Variants in GALNT18 observed in about 807,000 individuals in gnomAD.
The protein encoded by GALNT18 is polypeptide N-acetylgalactosaminyltransferase 18, also known as GalNAc-transferase 18.
GALNT18 carries 44 observed loss-of-function variants against 69.5 expected under a neutral mutation model. The observed-to-expected ratio is 0.63, with a 90% CI of 0.50 to 0.81. The LOEUF is 0.81. GALNT18 is among the 40% of genes least tolerant of loss of function. The pLI, the probability that GALNT18 is intolerant of heterozygous loss-of-function variation, is 0.00. For synonymous variants in GALNT18, 364 were observed against 318.2 expected (o/e 1.14, Z -1.53); for missense variants, 715 against 810.0 (o/e 0.88, Z 1.42).
At chr11:11,576,782 T>C (rs1308904029) in intron 1 of GALNT18, among the ~76,000 whole-genome samples, 2 of 152,218 alleles carry the variant, frequency 1.3e-5, no homozygotes, top group East Asian at 3.8e-4. Flanking sequence ...GAATGTGCTT[T>C]TATAAACTGA....
rs1454721758 is a variant in GALNT18 at position 11,523,724 on chromosome 11, A to C, written c.236-74788T>G. On this transcript the variant is annotated intron_variant, in intron 1 of 10. Transcript: ENST00000227756. This position sits in a 1 kb window ranked among gnomAD's most constrained non-coding sequence, Gnocchi z 4.3. The stretch of plus-strand genomic sequence containing the variant: ...ACAGAGCGAGACTCCATCTCAAAAA[A>C]AAAAAAAAATATCGTACACCCTGCC... Among the ~76,000 whole-genome samples, 1 of 152,016 alleles carries C rather than the reference A, an allele frequency of 6.6e-6. No homozygotes were observed. The highest frequency in any genetic ancestry group is 6.6e-5 in the Admixed American group (1 of 15,264).
At chr11:11,464,566 T>C (rs2133844310) in intron 1 of GALNT18, among the ~76,000 whole-genome samples, 1 of 152,336 alleles carries the variant, frequency 6.6e-6, no homozygotes, top group Non-Finnish European at 1.5e-5. Flanking sequence ...GAAAGACACA[T>C]TGGCTTGCCC....
intron 1 of GALNT18, 24 bp from the exon 2 acceptor site, chr11:11,448,960 C>G: frequency 6.5e-7 from 1 of 1,544,686 alleles, no homozygotes; most frequent in Non-Finnish European, 8.7e-7. Flanking sequence ...GAACAGGAGA[C>G]AGTGGGTCAG....
intron 1 of GALNT18, among the ~76,000 whole-genome samples, chr11:11,503,948 T>G (rs982654667): frequency 6.6e-6 from 1 of 152,222 alleles, no homozygotes; most frequent in Non-Finnish European, 1.5e-5. Context: ...ACCATGATAC[T>G]GAATTCTAAC....
At chr11:11,342,168 C>G (rs1334464009) in intron 6 of GALNT18, among the ~76,000 whole-genome samples, 1 of 152,114 alleles carries the variant, frequency 6.6e-6, no homozygotes, top group African/African-American at 2.4e-5. Context: ...ACTCACCTAA[C>G]AAAAGGCCAA....
At chr11:11,489,547 G>A (rs748831617) in intron 1 of GALNT18, among the ~76,000 whole-genome samples, 3 of 152,170 alleles carry the variant, frequency 2.0e-5, no homozygotes, top group Non-Finnish European at 4.4e-5. Context: ...AGAGAAGATA[G>A]AATCAGTTCC....
chr11:11,609,106 A>G (rs1859824263), intron 1 of GALNT18, among the ~76,000 whole-genome samples: 1 of 152,228 alleles, frequency 6.6e-6, no homozygotes, highest in South Asian at 2.1e-4. Flanking sequence ...CATACCTGGC[A>G]CAATGCCAAG....
At chr11:11,274,350 A>C (rs1308706922) in intron 10 of GALNT18, among the ~76,000 whole-genome samples, 1 of 151,826 alleles carries the variant, frequency 6.6e-6, no homozygotes, top group African/African-American at 2.4e-5. Context: ...AGAACCGTTC[A>C]CTCTCCTGGA....
intron 10 of GALNT18, 85 bp downstream of exon 10, chr11:11,292,944 T>G (rs187101191): frequency 8.0e-7 from 1 of 1,242,596 alleles, no homozygotes; most frequent in African/African-American, 1.5e-5. Flanking sequence ...CCTTCCCCTC[T>G]CCTCCACCAC....
At chr11:11,277,836 T>G (rs960640009) in intron 10 of GALNT18, among the ~76,000 whole-genome samples, 1 of 152,214 alleles carries the variant, frequency 6.6e-6, no homozygotes, top group African/African-American at 2.4e-5. Context: ...AATCCTGAGT[T>G]CTAATTTGAT....
chr11:11,621,269 G>C lies in GALNT18; in HGVS notation c.235+90C>G, dbSNP rs953540728. 7.5e-6 allele frequency: 8 copies of C among 1,065,350 alleles called. No homozygotes were observed. Among genetic ancestry groups the C allele is most frequent in the Non-Finnish European group, 9.8e-6 (7 of 716,272 alleles). 66.0% of individuals were successfully genotyped at this position (1,065,350 alleles called of 1,614,324 possible). On this transcript the variant is annotated intron_variant, in intron 1 of 10. Coordinates refer to ENST00000227756, the MANE Select transcript of GALNT18 (RefSeq NM_198516.3). The surrounding 1 kb of genome is among the most constrained non-coding windows in gnomAD (Gnocchi z 9.3). ...GCGGCCCCAGAGCCCCGCCGTGGCTGAGTTGATGCGCACCAGCCCCAGCGC... is the reference window on the plus strand; with the variant it reads ...GCGGCCCCAGAGCCCCGCCGTGGCTCAGTTGATGCGCACCAGCCCCAGCGC...
Position 11,538,183 on chromosome 11 carries a change from C to T in GALNT18, c.235+83176G>A, listed in dbSNP as rs947476877. ...AGCTAAGGATTACACAAAAAGCAAG[C>T]AGCAGAGACAGAATTCAAACCCAAT... On this transcript the variant is annotated intron_variant, in intron 1 of 10. Coordinates refer to ENST00000227756, the MANE Select transcript of GALNT18 (RefSeq NM_198516.3). This position sits in a 1 kb window ranked among gnomAD's most constrained non-coding sequence, Gnocchi z 5.2. Among the ~76,000 whole-genome samples, 1 of 152,108 alleles carries T rather than the reference C, an allele frequency of 6.6e-6. No individual in the cohort carries two copies. The highest frequency in any genetic ancestry group is 2.4e-5 in the African/African-American group (1 of 41,428).
At chr11:11,559,967 C>T (rs115809548) in intron 1 of GALNT18, among the ~76,000 whole-genome samples, 4 of 24,252 alleles carry the variant, frequency 1.6e-4, no homozygotes, top group South Asian at 1.4e-3. Flanking sequence ...TGATGGGATG[C>T]GATGGAACAG....
chr11:11,443,971 A>G lies in GALNT18; in HGVS notation c.428+4773T>C, dbSNP rs1855588651. On this transcript the variant is annotated intron_variant, in intron 2 of 10. Coordinates refer to ENST00000227756, the MANE Select transcript of GALNT18 (RefSeq NM_198516.3). Reference sequence around the variant, plus strand: ...AAAAACTGGCACACTTCCTATGCCTATTACATATTCATAGGTGTGGGGGAT... The same window carrying G: ...AAAAACTGGCACACTTCCTATGCCTGTTACATATTCATAGGTGTGGGGGAT... 2.0e-5 allele frequency among the ~76,000 whole-genome samples: 3 copies of G among 152,198 alleles called. No homozygotes were observed. In the South Asian group the frequency reaches 6.2e-4, roughly 31 times the overall value.
At position 11,523,491 on chromosome 11, in the gene GALNT18, G is replaced by A. The variant is rs1239923567; in HGVS notation, c.236-74555C>T. Among the ~76,000 whole-genome samples, 5 of 151,988 alleles carry A rather than the reference G, an allele frequency of 3.3e-5. No homozygotes were observed. Among genetic ancestry groups the A allele is most frequent in the East Asian group, 1.9e-4 (1 of 5,186 alleles). ...CCGTGCCACTTTGGGAGGCTGAGGC[G>A]GGTGGATCATGAGGTCAGGAGATCG... is the stretch of plus-strand genomic sequence containing the variant. On this transcript the variant is annotated intron_variant, in intron 1 of 10. Coordinates refer to ENST00000227756, the MANE Select transcript of GALNT18 (RefSeq NM_198516.3). This position sits in a 1 kb window ranked among gnomAD's most constrained non-coding sequence, Gnocchi z 4.3.
chr11:11,540,264 G>A lies in GALNT18; in HGVS notation c.235+81095C>T, dbSNP rs926628723. Reference sequence around the variant, plus strand: ...TCTCAAGGGCTTAGAAGGCGTCCTTGTAACTTTGTTGAAGGGCCCTGGAAG... The same window carrying A: ...TCTCAAGGGCTTAGAAGGCGTCCTTATAACTTTGTTGAAGGGCCCTGGAAG... On this transcript the variant is annotated intron_variant, in intron 1 of 10. Transcript: ENST00000227756. The surrounding 1 kb of genome is among the most constrained non-coding windows in gnomAD (Gnocchi z 4.6). 6.6e-6 allele frequency among the ~76,000 whole-genome samples: 1 copy of A among 152,198 alleles called. No individual in the cohort carries two copies. Among genetic ancestry groups the A allele is most frequent in the Non-Finnish European group, 1.5e-5 (1 of 68,032 alleles).
At chr11:11,333,307 T>G (rs887619966) in intron 7 of GALNT18, among the ~76,000 whole-genome samples, 7 of 152,290 alleles carry the variant, frequency 4.6e-5, no homozygotes, top group Middle Eastern at 6.8e-3. Flanking sequence ...TTTAAACATT[T>G]CCAAAGTGCT....
chr11:11,570,992 T>C (rs1294401261), intron 1 of GALNT18, among the ~76,000 whole-genome samples: 1 of 152,220 alleles, frequency 6.6e-6, no homozygotes, highest in African/African-American at 2.4e-5. Context: ...CCCCAAGTTT[T>C]CCTGGGTTGA....
chr11:11,586,654 A>G lies in GALNT18; in HGVS notation c.235+34705T>C, dbSNP rs1052852288. Reference sequence around the variant, plus strand: ...CAGCATTTATATTTAGCTGGTATGCACTGGTTCCACCATATCAGTTCTTAA... The same window carrying G: ...CAGCATTTATATTTAGCTGGTATGCGCTGGTTCCACCATATCAGTTCTTAA... On this transcript the variant is annotated intron_variant, in intron 1 of 10. Coordinates refer to ENST00000227756, the MANE Select transcript of GALNT18 (RefSeq NM_198516.3). The surrounding 1 kb of genome is among the most constrained non-coding windows in gnomAD (Gnocchi z 4.1). Among the ~76,000 whole-genome samples, 3 of 152,200 alleles carry G rather than the reference A, an allele frequency of 2.0e-5. No individual in the cohort carries two copies. The highest frequency in any genetic ancestry group is 4.4e-5 in the Non-Finnish European group (3 of 68,040).
Sources: gnomAD v4.1 joint callset for allele counts (sites outside exome capture counted in the v4.1 genomes callset) on GRCh38, gnomAD v4.1.1 for gene constraint, Gnocchi (gnomAD v3.1) non-coding constraint, MANE v1.5 for transcripts, NCBI Gene and HGNC (gene_info 2026-07-23, HGNC 2026-07-21) for gene names.